UBE2O: variants seen among roughly 807,000 people sequenced by gnomAD.
UBE2O encodes the protein (E3-independent) E2 ubiquitin-conjugating enzyme.
A neutral mutation model predicts 125.8 loss-of-function variants in UBE2O; 15 were observed. The ratio of observed to expected loss-of-function variants is 0.12; its 90% CI spans 0.08 to 0.18. The LOEUF (loss-of-function observed/expected upper bound fraction) is 0.18, where lower values mean the gene tolerates loss of function less well. Ranked by LOEUF, UBE2O falls within the 10% of genes least tolerant of loss-of-function variation. The pLI, the probability that UBE2O is intolerant of heterozygous loss-of-function variation, is 1.00. For synonymous variants in UBE2O, 708 were observed against 703.2 expected, an observed-to-expected ratio of 1.01 and a Z score of -0.11; for missense variants, 1,280 against 1,723.6, an observed-to-expected ratio of 0.74 and a Z score of 4.56.
At chr17:76,412,141 AGGTCAGCTTGCAAT>A (rs1347585382) in intron 1 of UBE2O, among the ~76,000 whole-genome samples, 4 of 152,174 alleles carry the variant, frequency 2.6e-5, no homozygotes, top group Non-Finnish European at 2.9e-5. Flanking sequence ...TGTAGACAAC[AGGTCAGCTTGCAAT>A]GGCTCCTGGA....
At chr17:76,424,851 T>A (rs1360902024) in intron 1 of UBE2O, among the ~76,000 whole-genome samples, 1 of 147,204 alleles carries the variant, frequency 6.8e-6, no homozygotes, top group Non-Finnish European at 1.5e-5. Flanking sequence ...ACCTGTTTCT[T>A]TTTTTTTTTT....
In UBE2O at chr17:76,389,832, C is replaced by T. The variant is rs2072072087; in HGVS notation, c.*1111G>A. On this transcript the variant is annotated 3_prime_UTR_variant, in exon 18 of 18. Transcript: ENST00000319380. Reference sequence around the variant, plus strand: ...CTTTTTTTCTAATAAGAGTTAATATCTTTGCTTTTGAGTTTTTTTTCCAAC... The same window carrying T: ...CTTTTTTTCTAATAAGAGTTAATATTTTTGCTTTTGAGTTTTTTTTCCAAC... The T allele has an allele frequency of 6.6e-6, 1 of 151,994 alleles. No individual in the cohort carries two copies. Among genetic ancestry groups the T allele is most frequent in the Admixed American group, 6.6e-5 (1 of 15,244 alleles). The allele number at this position is 151,994 out of a possible 1,614,324, so 9.4% of individuals were successfully genotyped here. A position where few individuals can be genotyped will look rare whatever the true frequency, so the allele number is the denominator to read the frequency against.
chr17:76,416,740 C>G (rs2072622928), intron 1 of UBE2O, among the ~76,000 whole-genome samples: 1 of 152,210 alleles, frequency 6.6e-6, no homozygotes, highest in Admixed American at 6.5e-5. Flanking sequence ...CACTTCTTGG[C>G]TGGGTCATTA....
In UBE2O at chr17:76,408,633, G is replaced by A. The variant is rs566116985; in HGVS notation, c.418-3061C>T. Among the ~76,000 whole-genome samples the A allele has an allele frequency of 7.2e-5, 11 of 152,334 alleles. No individual in the cohort carries two copies. In the East Asian group the frequency reaches 1.9e-3, roughly 27 times the overall value. ...CTCTTCATTTCTGAGGCAAGTGGAA[G>A]GCAGCAATGGTGGCCACTGACTGCG... On this transcript the variant is annotated intron_variant, in intron 1 of 17. Coordinates refer to ENST00000319380, the MANE Select transcript of UBE2O (RefSeq NM_022066.4).
chr17:76,449,727 T>C (rs927086485), intron 1 of UBE2O, among the ~76,000 whole-genome samples: 5 of 152,036 alleles, frequency 3.3e-5, no homozygotes, highest in African/African-American at 9.6e-5. Flanking sequence ...AAGAACAGCC[T>C]GGCCACCACG....
Position 76,396,562 on chromosome 17 carries a change from G to T in UBE2O, c.2375C>A (p.Ala792Asp), listed in dbSNP as rs1053398126. Residue 792 changes from alanine to aspartate, a missense_variant, in exon 14 of 18, where the codon GCT (alanine) becomes GAT (aspartate). Coordinates refer to ENST00000319380, the MANE Select transcript of UBE2O (RefSeq NM_022066.4). This position sits in a 1 kb window ranked among gnomAD's most constrained non-coding sequence, Gnocchi z 6.7. Reference protein sequence around the residue: ...TAAVQGAVAMAAPMAGLMEKA... With the variant: ...TAAVQGAVAMDAPMAGLMEKA... The stretch of plus-strand genomic sequence containing the variant: ...CTCCATCAGCCCGGCCATGGGGGCA[G>T]CCATGGCCACAGCCCCCTGGACGGC... 6.2e-7 allele frequency: 1 copy of T among 1,610,458 alleles called. No individual in the cohort carries two copies. The highest frequency in any genetic ancestry group is 1.3e-5 in the African/African-American group (1 of 74,748).
At chr17:76,447,099 T>G (rs1732932241) in intron 1 of UBE2O, among the ~76,000 whole-genome samples, 1 of 152,226 alleles carries the variant, frequency 6.6e-6, no homozygotes, top group Non-Finnish European at 1.5e-5. Context: ...TCACTTGTAG[T>G]ACCTCCTATT....
In UBE2O at chr17:76,399,316, G is replaced by C; in HGVS notation, c.1628+133C>G. The C allele has an allele frequency of 1.1e-6, 1 of 927,436 alleles. No individual in the cohort carries two copies. The highest frequency in any genetic ancestry group is 1.6e-6 in the Non-Finnish European group (1 of 617,250). The allele number at this position is 927,436 out of a possible 1,614,324, so 57.5% of individuals were successfully genotyped here. Reference sequence around the variant, plus strand: ...CTACCCCAGGCACCTACGTTGTCTCGGGTGGGAGCCCCGGAGCCACTACAA... The same window carrying C: ...CTACCCCAGGCACCTACGTTGTCTCCGGTGGGAGCCCCGGAGCCACTACAA... On this transcript the variant is annotated intron_variant, in intron 9 of 17. Coordinates refer to ENST00000319380, the MANE Select transcript of UBE2O (RefSeq NM_022066.4). The surrounding 1 kb of genome is among the most constrained non-coding windows in gnomAD (Gnocchi z 6.9).
rs78701971 is a variant in UBE2O at position 76,395,357 on chromosome 17, A to AT, written c.2946+367dup. Reference sequence around the variant, plus strand: ...CATGGTGGCGGGAGAGTTTTTTGTAATTTTTTTTTTTTTTTTAGTGGAGAC... The same window carrying AT: ...CATGGTGGCGGGAGAGTTTTTTGTAATTTTTTTTTTTTTTTTTAGTGGAGAC... On this transcript the variant is annotated intron_variant, in intron 15 of 17. Coordinates refer to ENST00000319380, the MANE Select transcript of UBE2O (RefSeq NM_022066.4). This position sits in a 1 kb window ranked among gnomAD's most constrained non-coding sequence, Gnocchi z 5.0. 1,271 of 139,760 alleles carry AT rather than the reference A, an allele frequency of 9.1e-3. 26 individuals carry two copies. In the East Asian group the frequency reaches 0.1, roughly 11 times the overall value. The allele number at this position is 139,760 out of a possible 1,614,324, so 8.7% of individuals were successfully genotyped here.
At position 76,400,518 on chromosome 17, in the gene UBE2O, A is replaced by G; in HGVS notation, c.927T>C (p.Ile309=). 2 of 1,613,368 alleles carry G rather than the reference A, an allele frequency of 1.2e-6. No individual in the cohort carries two copies. Among genetic ancestry groups the G allele is most frequent in the South Asian group, 2.2e-5 (2 of 90,970 alleles). The change falls in exon 7 of 18, where the codon ATT becomes ATC. Residue 309 remains isoleucine (I), a synonymous_variant. Coordinates refer to ENST00000319380, the MANE Select transcript of UBE2O (RefSeq NM_022066.4). The surrounding 1 kb of genome is among the most constrained non-coding windows in gnomAD (Gnocchi z 4.3). ...TGCCCCCTGGACAGAAACTCTTGGT[A>G]ATCCATGTAACTTTCAACTCTACAA... ...VQVVELKVTW[I]TKSFCPGGTD... is the part of the protein sequence containing the mutation.
intron 1 of UBE2O, among the ~76,000 whole-genome samples, chr17:76,416,867 C>A (rs2143785940): frequency 1.3e-5 from 2 of 152,318 alleles, no homozygotes; most frequent in African/African-American, 4.8e-5. Flanking sequence ...TAGAACAGCA[C>A]CATCATGGAG....
rs573098523 is a variant in UBE2O, at chr17:76,429,215, T to C, written c.417+23510A>G. Among the ~76,000 whole-genome samples the C allele has an allele frequency of 2.0e-4, 30 of 151,944 alleles. 1 individual carries two copies. In the South Asian group the frequency reaches 6.0e-3, roughly 31 times the overall value. On this transcript the variant is annotated intron_variant, in intron 1 of 17. Transcript: ENST00000319380. ...GCGTCCAGCCAGCCCTCTACTATGT[T>C]TGCAACTTCCTATGCATCTATAATT...
Position 76,452,620 on chromosome 17 carries a change from G to GCAGTGGCCGACGCGGGAGGACAGCCC in UBE2O, c.417+104_417+105insGGGCTGTCCTCCCGCGTCGGCCACTG. On this transcript the variant is annotated intron_variant, in intron 1 of 17. Coordinates refer to ENST00000319380, the MANE Select transcript of UBE2O (RefSeq NM_022066.4). The surrounding 1 kb of genome is among the most constrained non-coding windows in gnomAD (Gnocchi z 4.4). Reference sequence around the variant, plus strand: ...GGGCTGTCCTCCCGCGTCGGCCACTGCAGTGGCACCGCTCCGGGCAGGGCC... The same window carrying GCAGTGGCCGACGCGGGAGGACAGCCC: ...GGGCTGTCCTCCCGCGTCGGCCACTGCAGTGGCCGACGCGGGAGGACAGCCCCAGTGGCACCGCTCCGGGCAGGGCC... 8.9e-7 allele frequency: 1 copy of GCAGTGGCCGACGCGGGAGGACAGCCC among 1,119,758 alleles called. No individual in the cohort carries two copies. The highest frequency in any genetic ancestry group is 1.2e-6 in the Non-Finnish European group (1 of 868,828). 69.4% of individuals were successfully genotyped at this position (1,119,758 alleles called of 1,614,324 possible). A position where few individuals can be genotyped will look rare whatever the true frequency, so the allele number is the denominator to read the frequency against.
At chr17:76,416,115 A>G (rs1674350) in intron 1 of UBE2O, among the ~76,000 whole-genome samples, 9,641 of 151,746 alleles carry the variant, frequency 0.064, 380 homozygotes, top group South Asian at 0.13. Flanking sequence ...ATGTGTATAC[A>G]TATATACATA....
rs75020011 is a variant in UBE2O, at chr17:76,438,512, T to A, written c.417+14213A>T. Among the ~76,000 whole-genome samples the A allele has an allele frequency of 4.6e-3, 698 of 152,248 alleles. 3 individuals carry two copies. The highest frequency in any genetic ancestry group is 8.6e-3 in the Non-Finnish European group (585 of 68,018). On this transcript the variant is annotated intron_variant, in intron 1 of 17. Coordinates refer to ENST00000319380, the MANE Select transcript of UBE2O (RefSeq NM_022066.4). ...AAGGCTGTGAAACACATGCTTTACC[T>A]GTTATTCCTCAAACGTCCTTCACAC...
Position 76,391,461 on chromosome 17 carries a change from CG to C in UBE2O, c.3360del (p.Glu1121ArgfsTer19). On this transcript the variant is annotated frameshift_variant, in exon 18 of 18. Transcript: ENST00000319380. LOFTEE classifies it high-confidence loss of function. The surrounding 1 kb of genome is among the most constrained non-coding windows in gnomAD (Gnocchi z 8.4). ...TGCCTGATCTCCTGCTCAAAGACCT[CG>C]GGGGGCCGCCGCACCAGCTGGGTCA... ...QSMTQLVRRP[P>X]EVFEQEIRQH... 6.2e-7 allele frequency: 1 copy of C among 1,613,770 alleles called. No homozygotes were observed. The highest frequency in any genetic ancestry group is 8.5e-7 in the Non-Finnish European group (1 of 1,180,032).
intron 5 of UBE2O, 116 bp downstream of exon 5, chr17:76,401,948 C>G: frequency 9.9e-7 from 1 of 1,009,282 alleles, no homozygotes; most frequent in Non-Finnish European, 1.4e-6. Flanking sequence ...GGCGCGCACC[C>G]GCCCCTTTTC....
In UBE2O at chr17:76,398,399, G is replaced by A; in HGVS notation, c.1897-16C>T. Reference sequence around the variant, plus strand: ...CTCCAATCAGCTGTGGCACAGGACAGGTTGTCATGAGCTAGGGGTCCTACA... The same window carrying A: ...CTCCAATCAGCTGTGGCACAGGACAAGTTGTCATGAGCTAGGGGTCCTACA... On this transcript the variant is annotated splice_polypyrimidine_tract_variant and intron_variant, in intron 11 of 17. Coordinates refer to ENST00000319380, the MANE Select transcript of UBE2O (RefSeq NM_022066.4). The surrounding 1 kb of genome is among the most constrained non-coding windows in gnomAD (Gnocchi z 5.4). 1 of 1,614,104 alleles carries A rather than the reference G, an allele frequency of 6.2e-7. No individual in the cohort carries two copies. Among genetic ancestry groups the A allele is most frequent in the African/African-American group, 1.3e-5 (1 of 74,994 alleles).
chr17:76,405,439 G>A lies in UBE2O; in HGVS notation c.477+74C>T. 1 of 1,525,776 alleles carries A rather than the reference G, an allele frequency of 6.6e-7. No individual in the cohort carries two copies. Among genetic ancestry groups the A allele is most frequent in the South Asian group, 1.2e-5 (1 of 85,828 alleles). 94.5% of individuals were successfully genotyped at this position (1,525,776 alleles called of 1,614,324 possible). On this transcript the variant is annotated intron_variant, in intron 2 of 17. Coordinates refer to ENST00000319380, the MANE Select transcript of UBE2O (RefSeq NM_022066.4). This position sits in a 1 kb window ranked among gnomAD's most constrained non-coding sequence, Gnocchi z 6.1. ...TGGCCAGTTCTCCCACATGCAGAGT[G>A]CGAGGTGGGCAGGCTCAAGTCCCTA...
Sources: allele counts gnomAD v4.1 joint callset (sites outside exome capture counted in the v4.1 genomes callset), GRCh38; gene constraint gnomAD v4.1.1; non-coding constraint Gnocchi (gnomAD v3.1); transcripts MANE v1.5; gene names NCBI Gene and HGNC (gene_info 2026-07-23, HGNC 2026-07-21).